The following ZBTB20 variants were observed in gnomAD, a reference collection of about 807,000 sequenced individuals.
ZBTB20 encodes zinc finger and BTB domain-containing protein 20.
ZBTB20 carries 9 observed loss-of-function variants against 56.9 expected under a neutral mutation model. That is an observed-to-expected ratio of 0.16 (90% CI 0.10 to 0.28). The LOEUF (loss-of-function observed/expected upper bound fraction) is 0.28, where lower values mean the gene tolerates loss of function less well. Ranked by LOEUF, ZBTB20 falls within the 10% of genes least tolerant of loss-of-function variation. The pLI is 1.00. For missense variants in ZBTB20, 655 were observed against 1,003.0 expected, an observed-to-expected ratio of 0.65 and a Z score of 4.69; for synonymous variants, 417 against 420.7, an observed-to-expected ratio of 0.99 and a Z score of 0.11.
chr3:115,066,829 C>A (rs1296104900), intron 2 of ZBTB20, among the ~76,000 whole-genome samples: 1 of 152,026 alleles, frequency 6.6e-6, no homozygotes, highest in African/African-American at 2.4e-5. Flanking sequence ...AATGTCCCTT[C>A]CCCTGTCTTC....
chr3:115,129,802 A>C (rs1016666152), intron 1 of ZBTB20, among the ~76,000 whole-genome samples: 2 of 152,184 alleles, frequency 1.3e-5, no homozygotes, highest in African/African-American at 4.8e-5. Context: ...ATCTCCCCTC[A>C]ATGACCAGAA....
intron 4 of ZBTB20, among the ~76,000 whole-genome samples, chr3:114,874,434 A>G (rs1403602): frequency 0.75 from 114,468 of 152,130 alleles, 47,404 homozygotes; most frequent in East Asian, 0.99. Context: ...ACATATTGCT[A>G]TAAACTCATC....
chr3:114,354,972 G>T (rs566025681), intron 10 of ZBTB20, among the ~76,000 whole-genome samples: 28 of 152,260 alleles, frequency 1.8e-4, no homozygotes, highest in African/African-American at 6.7e-4. Context: ...TTGCACAGTA[G>T]CACATGGCAG....
intron 2 of ZBTB20, among the ~76,000 whole-genome samples, chr3:115,013,070 A>T (rs916034840): frequency 6.6e-6 from 1 of 151,824 alleles, no homozygotes; most frequent in Non-Finnish European, 1.5e-5. Flanking sequence ...CAAAAGCAGT[A>T]CTAAGAGGGA....
intron 4 of ZBTB20, among the ~76,000 whole-genome samples, chr3:114,830,159 A>G (rs1314103040): frequency 5.9e-5 from 9 of 151,888 alleles, no homozygotes. Flanking sequence ...TCTGAAAGTC[A>G]GCCCAGCATG....
At chr3:114,887,865 GC>G (rs2076658441) in intron 4 of ZBTB20, among the ~76,000 whole-genome samples, 1 of 152,064 alleles carries the variant, frequency 6.6e-6, no homozygotes, top group African/African-American at 2.4e-5. Flanking sequence ...TGATCTCAAA[GC>G]CCCCAATTGA....
At chr3:114,479,659 A>G (rs2041301100) in intron 7 of ZBTB20, among the ~76,000 whole-genome samples, 1 of 152,202 alleles carries the variant, frequency 6.6e-6, no homozygotes, top group Non-Finnish European at 1.5e-5. Context: ...GGACGTGTCT[A>G]TGTGTGTTTC....
At chr3:114,857,567 T>C (rs1033012006) in intron 4 of ZBTB20, among the ~76,000 whole-genome samples, 13 of 152,178 alleles carry the variant, frequency 8.5e-5, no homozygotes, top group African/African-American at 1.7e-4. Flanking sequence ...AGGCACACAA[T>C]GCTCTATGCT....
At chr3:114,476,518 C>A (rs1271379043) in intron 7 of ZBTB20, among the ~76,000 whole-genome samples, 1 of 152,174 alleles carries the variant, frequency 6.6e-6, no homozygotes, top group Non-Finnish European at 1.5e-5. Context: ...AAGGTACTGG[C>A]ATCTGGTGAG....
At chr3:115,080,508 C>G (rs2082759606) in intron 1 of ZBTB20, among the ~76,000 whole-genome samples, 1 of 152,066 alleles carries the variant, frequency 6.6e-6, no homozygotes, top group African/African-American at 2.4e-5. Context: ...AAGAAAAGAG[C>G]CTGTTTAGTA....
chr3:114,548,357 T>G (rs924465670), intron 6 of ZBTB20, among the ~76,000 whole-genome samples: 3 of 152,146 alleles, frequency 2.0e-5, no homozygotes, highest in African/African-American at 7.2e-5. Context: ...TACTGACCTT[T>G]TACATTATCT....
At chr3:114,825,407 A>G (rs1166539116) in intron 4 of ZBTB20, among the ~76,000 whole-genome samples, 1 of 151,924 alleles carries the variant, frequency 6.6e-6, no homozygotes, top group Non-Finnish European at 1.5e-5. Context: ...AGCTAATGAA[A>G]TGTTCCAGTG....
At chr3:114,583,405 A>C (rs1477699873) in intron 6 of ZBTB20, among the ~76,000 whole-genome samples, 2 of 152,238 alleles carry the variant, frequency 1.3e-5, no homozygotes, top group Non-Finnish European at 2.9e-5. Flanking sequence ...AAAAATAAAC[A>C]CAAACATTGA....
chr3:114,591,959 C>T (rs2055811800), intron 6 of ZBTB20, among the ~76,000 whole-genome samples: 1 of 152,080 alleles, frequency 6.6e-6, no homozygotes, highest in South Asian at 2.1e-4. Flanking sequence ...CTCTTCCTTG[C>T]CTATTCCTTA....
intron 5 of ZBTB20, among the ~76,000 whole-genome samples, chr3:114,739,199 C>T (rs1292112115): frequency 6.6e-6 from 1 of 152,188 alleles, no homozygotes; most frequent in Non-Finnish European, 1.5e-5. Context: ...GGAATCAGAA[C>T]CTCTAGGGAT....
At chr3:114,640,914 C>T (rs182868938) in intron 6 of ZBTB20, among the ~76,000 whole-genome samples, 19 of 151,886 alleles carry the variant, frequency 1.3e-4, no homozygotes, top group Admixed American at 8.5e-4. Flanking sequence ...CAAGCAAGCA[C>T]GTATGCCCTT....
intron 2 of ZBTB20, among the ~76,000 whole-genome samples, chr3:115,006,481 A>ATATATATATATATAT (rs2079478624): frequency 6.6e-6 from 1 of 151,364 alleles, no homozygotes; most frequent in African/African-American, 2.4e-5. Flanking sequence ...ATATATATAT[A>ATATATATATATATAT]ACCATTTGTC....
chr3:114,761,879 T>G (rs1166721247), intron 5 of ZBTB20, among the ~76,000 whole-genome samples: 1 of 151,642 alleles, frequency 6.6e-6, no homozygotes, highest in Non-Finnish European at 1.5e-5. Flanking sequence ...ATGCTTAATG[T>G]GCATAGCACA....
chr3:114,826,220 C>T (rs543600906), intron 4 of ZBTB20, among the ~76,000 whole-genome samples: 1 of 151,768 alleles, frequency 6.6e-6, no homozygotes, highest in South Asian at 2.1e-4. Context: ...ATGAATCATA[C>T]ACTTTTGACC....
Sources: gnomAD v4.1 joint callset for allele counts (sites outside exome capture counted in the v4.1 genomes callset) on GRCh38, gnomAD v4.1.1 for gene constraint, MANE v1.5 for transcripts, NCBI Gene and HGNC (gene_info 2026-07-23, HGNC 2026-07-21) for gene names.